Variants in CNTNAP2 observed in about 807,000 individuals in gnomAD.
CNTNAP2 encodes contactin-associated protein-like 2.
In CNTNAP2, 98 loss-of-function variants were observed where a neutral mutation model predicts 155.2. The ratio of observed to expected loss-of-function variants is 0.63; its 90% CI spans 0.54 to 0.75. The LOEUF (loss-of-function observed/expected upper bound fraction) is 0.75. Among genes scored for constraint, CNTNAP2 ranks in the 30% least tolerant of loss-of-function variants. The pLI is 0.00. For synonymous variants in CNTNAP2, 651 were observed against 631.2 expected, an observed-to-expected ratio of 1.03 and a Z score of -0.47; for missense variants, 1,727 against 1,688.1, an observed-to-expected ratio of 1.02 and a Z score of -0.40.
chr7:147,043,307 G>T (rs188902969), intron 3 of CNTNAP2, among the ~76,000 whole-genome samples: 166 of 152,098 alleles, frequency 1.1e-3, no homozygotes, highest in African/African-American at 3.9e-3. Context: ...TGAACTTTCA[G>T]TATCAGATAA....
At chr7:146,497,640 C>T (rs575468226) in intron 1 of CNTNAP2, among the ~76,000 whole-genome samples, 22 of 151,708 alleles carry the variant, frequency 1.5e-4, no homozygotes, top group Admixed American at 3.3e-4. Flanking sequence ...TTCTTCTATC[C>T]GTCAGAATTA....
intron 13 of CNTNAP2, among the ~76,000 whole-genome samples, chr7:147,813,893 A>C (rs1375120500): frequency 6.6e-6 from 1 of 152,158 alleles, no homozygotes; most frequent in Non-Finnish European, 1.5e-5. Context: ...AAAGAATATT[A>C]TAGTTCCTTT....
intron 1 of CNTNAP2, among the ~76,000 whole-genome samples, chr7:146,439,286 G>A (rs1796286812): frequency 6.6e-6 from 1 of 151,390 alleles, no homozygotes. Context: ...TAGTATGCTT[G>A]TCAAAGTGTT....
At chr7:146,829,208 T>C (rs573219035) in intron 2 of CNTNAP2, among the ~76,000 whole-genome samples, 12 of 152,232 alleles carry the variant, frequency 7.9e-5, no homozygotes, top group Admixed American at 6.5e-4. Context: ...ACTGACACTC[T>C]GCTTTTCCTG....
intron 1 of CNTNAP2, among the ~76,000 whole-genome samples, chr7:146,576,273 G>A (rs559093428): frequency 7.2e-5 from 11 of 152,294 alleles, no homozygotes; most frequent in African/African-American, 9.6e-5. Flanking sequence ...GACTTTAAAC[G>A]TTGGAAAGTG....
intron 22 of CNTNAP2, among the ~76,000 whole-genome samples, chr7:148,384,760 C>T (rs1187274268): frequency 6.6e-6 from 1 of 152,158 alleles, no homozygotes; most frequent in Non-Finnish European, 1.5e-5. Context: ...GATTCCAGCA[C>T]CATCACTGCC....
intron 1 of CNTNAP2, among the ~76,000 whole-genome samples, chr7:146,637,768 G>A (rs1751720123): frequency 6.6e-6 from 1 of 152,108 alleles, no homozygotes; most frequent in South Asian, 2.1e-4. Flanking sequence ...AACTCAGACT[G>A]GTTTAGAAAG....
intron 10 of CNTNAP2, among the ~76,000 whole-genome samples, chr7:147,406,907 C>T (rs756821224): frequency 5.3e-5 from 8 of 152,178 alleles, no homozygotes; most frequent in Non-Finnish European, 1.0e-4. Context: ...TACCATACAA[C>T]ATTTGTGTAT....
intron 13 of CNTNAP2, among the ~76,000 whole-genome samples, chr7:147,682,524 A>G (rs987452916): frequency 1.3e-5 from 2 of 151,940 alleles, no homozygotes; most frequent in African/African-American, 4.8e-5. Flanking sequence ...CTTAGTTTGA[A>G]AGTACTTTGT....
At chr7:146,456,329 T>G (rs1009829144) in intron 1 of CNTNAP2, among the ~76,000 whole-genome samples, 1 of 152,164 alleles carries the variant, frequency 6.6e-6, no homozygotes, top group Non-Finnish European at 1.5e-5. Context: ...CACAACAAGA[T>G]TTCCGGGTCA....
At chr7:146,434,379 A>G (rs1422342956) in intron 1 of CNTNAP2, among the ~76,000 whole-genome samples, 3 of 152,188 alleles carry the variant, frequency 2.0e-5, no homozygotes, top group South Asian at 2.1e-4. Context: ...GCCATTGTGA[A>G]TGCATGTTGT....
In CNTNAP2 at chr7:147,987,857, G is replaced by A. The variant is rs181888184; in HGVS notation, c.2383+9868G>A. Among the ~76,000 whole-genome samples, 288 of 152,056 alleles carry A rather than the reference G, an allele frequency of 1.9e-3. 4 individuals carry two copies. The highest frequency in any genetic ancestry group is 6.6e-3 in the African/African-American group (272 of 41,456). On this transcript the variant is annotated intron_variant, in intron 15 of 23. Transcript: ENST00000361727. ...CTACAGGTACATGCCACCACACCCC[G>A]CTAATTTTTTTATTTTTAGTAGAGA...
At chr7:148,317,700 C>A (rs900931256) in intron 21 of CNTNAP2, among the ~76,000 whole-genome samples, 2 of 152,032 alleles carry the variant, frequency 1.3e-5, no homozygotes, top group African/African-American at 4.8e-5. Flanking sequence ...TTGCCCTGAG[C>A]TCATTTCTTT....
rs2129285331 is a variant in CNTNAP2, at chr7:147,132,480, C to G, written c.1319C>G (p.Thr440Ser). The G allele has an allele frequency of 6.2e-7, 1 of 1,613,552 alleles. No individual in the cohort carries two copies. The highest frequency in any genetic ancestry group is 1.1e-5 in the South Asian group (1 of 91,076). ...KVGVHINITQ[T>S]KMSQIDISSG... The stretch of plus-strand genomic sequence containing the variant: ...GGTGTTCACATCAACATCACACAGA[C>G]CAAGATGAGCCAAATCGATATTTCC... The change falls in exon 8 of 24, where the codon ACC becomes AGC. Residue 440 changes from threonine to serine, a missense_variant. Thr to Ser is a moderately conservative substitution (Grantham distance 58). Coordinates refer to ENST00000361727, the MANE Select transcript of CNTNAP2 (RefSeq NM_014141.6).
chr7:148,229,914 A>C, intron 20 of CNTNAP2, 135 bp downstream of exon 20: 1 of 929,994 alleles, frequency 1.1e-6, no homozygotes, highest in East Asian at 2.6e-5. Flanking sequence ...CTACAAGTGC[A>C]TAACTAGTGA....
At chr7:146,307,399 A>T (rs2129089702) in intron 1 of CNTNAP2, among the ~76,000 whole-genome samples, 1 of 152,312 alleles carries the variant, frequency 6.6e-6, no homozygotes. Flanking sequence ...AAATTGCCAT[A>T]CTGCCCAAGG....
At chr7:147,802,844 T>A (rs1465577879) in intron 13 of CNTNAP2, among the ~76,000 whole-genome samples, 6 of 147,930 alleles carry the variant, frequency 4.1e-5, no homozygotes, top group African/African-American at 7.7e-5. Flanking sequence ...CTATGAAGTT[T>A]TATCAACCTG....
chr7:146,144,007 C>T (rs1371961459), intron 1 of CNTNAP2, among the ~76,000 whole-genome samples: 1 of 152,252 alleles, frequency 6.6e-6, no homozygotes, highest in East Asian at 1.9e-4. Context: ...GGTGATCCTC[C>T]CACCTCGGCC....
chr7:147,910,274 C>T lies in CNTNAP2; in HGVS notation c.2255+6553C>T, dbSNP rs149936261. On this transcript the variant is annotated intron_variant, in intron 14 of 23. Transcript: ENST00000361727. ...AAATATTTATATATGCATTCTCATT[C>T]GTCATGTTGTTTAAATAATAGTAGT... Among the ~76,000 whole-genome samples, 840 of 152,182 alleles carry T rather than the reference C, an allele frequency of 5.5e-3. 4 individuals carry two copies. Among genetic ancestry groups the T allele is most frequent in the African/African-American group, 0.019 (796 of 41,490 alleles).
Sources: allele counts gnomAD v4.1 joint callset (sites outside exome capture counted in the v4.1 genomes callset), GRCh38; gene constraint gnomAD v4.1.1; transcripts MANE v1.5; gene names NCBI Gene and HGNC (gene_info 2026-07-23, HGNC 2026-07-21).